The following PARD3 variants were observed in gnomAD, a reference collection of about 807,000 sequenced individuals.
PARD3 encodes partitioning defective 3 homolog.
Under a neutral mutation model 155.4 loss-of-function variants are expected in PARD3, and 75 were observed. The observed-to-expected ratio is 0.48, with a 90% confidence interval of 0.40 to 0.58. The LOEUF is 0.58. Ranked by LOEUF, PARD3 falls within the 20% of genes least tolerant of loss-of-function variation. The probability of loss-of-function intolerance (pLI) is 0.00; values close to 1 mark genes in which losing one functional copy is unlikely to be tolerated. For missense variants in PARD3, 1,642 were observed against 1,721.7 expected (o/e 0.95, Z 0.82); for synonymous variants, 576 against 610.5 (o/e 0.94, Z 0.83).
At chr10:34,754,496 C>T (rs551541312) in intron 1 of PARD3, among the ~76,000 whole-genome samples, 54 of 152,310 alleles carry the variant, frequency 3.5e-4, no homozygotes, top group African/African-American at 1.1e-3. Context: ...TTACATTTAC[C>T]TATCGTGTAC....
At chr10:34,358,045 A>C (rs1839074023) in intron 14 of PARD3, among the ~76,000 whole-genome samples, 1 of 152,184 alleles carries the variant, frequency 6.6e-6, no homozygotes, top group African/African-American at 2.4e-5. Flanking sequence ...ATTATTTGCT[A>C]ATCATTTTAT....
intron 23 of PARD3, among the ~76,000 whole-genome samples, chr10:34,130,111 A>G (rs1212628516): frequency 6.6e-6 from 1 of 152,118 alleles, no homozygotes. Flanking sequence ...TCACGTGCAA[A>G]GATGGCAGGC....
At chr10:34,424,707 G>A (rs2075503631) in intron 5 of PARD3, among the ~76,000 whole-genome samples, 1 of 151,968 alleles carries the variant, frequency 6.6e-6, no homozygotes, top group South Asian at 2.1e-4. Flanking sequence ...TAGAGACGGG[G>A]TTTCGTCATG....
At chr10:34,409,264 T>A (rs1277784137) in intron 5 of PARD3, among the ~76,000 whole-genome samples, 1 of 152,084 alleles carries the variant, frequency 6.6e-6, no homozygotes, top group African/African-American at 2.4e-5. Flanking sequence ...ACAAAAAGTA[T>A]GTATCTCTGC....
chr10:34,148,844 C>A (rs527909070), intron 22 of PARD3, among the ~76,000 whole-genome samples: 84 of 150,236 alleles, frequency 5.6e-4, no homozygotes, highest in Non-Finnish European at 9.9e-4. Context: ...AATCCTCTAT[C>A]CCTCTATTGC....
intron 2 of PARD3, chr10:34,675,683 T>C: frequency 5.1e-6 from 1 of 197,432 alleles, no homozygotes; most frequent in Non-Finnish European, 1.1e-5. Context: ...TGGCCTGAGA[T>C]TCCTTATAAC....
chr10:34,674,478 A>ATTTTTTTTTTTTTTT (rs11402018), intron 2 of PARD3, among the ~76,000 whole-genome samples: 1 of 79,528 alleles, frequency 1.3e-5, no homozygotes, highest in African/African-American at 5.1e-5. Context: ...CACGCTCTTG[A>ATTTTTTTTTTTTTTT]TTTTTTTTTT....
intron 22 of PARD3, among the ~76,000 whole-genome samples, chr10:34,187,247 A>G (rs945407739): frequency 1.3e-5 from 2 of 152,228 alleles, no homozygotes; most frequent in Non-Finnish European, 2.9e-5. Context: ...GAGACAGAGT[A>G]CTGGGCAAGA....
intron 19 of PARD3, among the ~76,000 whole-genome samples, chr10:34,327,513 C>T (rs899495494): frequency 7.9e-5 from 12 of 152,110 alleles, no homozygotes; most frequent in African/African-American, 2.9e-4. Context: ...GGGAGGGGCT[C>T]GACCCAACTG....
At chr10:34,735,641 C>T (rs1387255906) in intron 1 of PARD3, among the ~76,000 whole-genome samples, 2 of 151,986 alleles carry the variant, frequency 1.3e-5, no homozygotes, top group African/African-American at 4.8e-5. Context: ...CAAACTTTCC[C>T]GTAAGAAAAT....
intron 18 of PARD3, 110 bp from the exon 19 acceptor site, chr10:34,331,454 A>C (rs1835606613): frequency 3.2e-6 from 2 of 619,990 alleles, no homozygotes; most frequent in Non-Finnish European, 5.7e-6. Flanking sequence ...CTCAATGATG[A>C]GTTCTGGAAT....
chr10:34,372,285 A>C lies in PARD3; in HGVS notation c.1707+213T>G, dbSNP rs568917285. On this transcript the variant is annotated intron_variant, in intron 12 of 24. Coordinates refer to ENST00000374788, the MANE Select transcript of PARD3 (RefSeq NM_001184785.2). The stretch of plus-strand genomic sequence containing the variant: ...GGAAGTCTCTCTCTTTTTTGCGTCT[A>C]TCTGACCAAAATTAATCACAAAATA... Among the ~76,000 whole-genome samples the C allele has an allele frequency of 3.9e-5, 6 of 152,232 alleles. No homozygotes were observed. In the East Asian group the frequency reaches 5.8e-4, roughly 15 times the overall value.
chr10:34,280,192 T>C (rs1375663533), intron 21 of PARD3, among the ~76,000 whole-genome samples: 1 of 152,208 alleles, frequency 6.6e-6, no homozygotes, highest in Non-Finnish European at 1.5e-5. Context: ...CTCTTTCCCA[T>C]TTGTCTGTTC....
At chr10:34,415,536 C>G (rs144719780) in intron 5 of PARD3, among the ~76,000 whole-genome samples, 121 of 152,272 alleles carry the variant, frequency 7.9e-4, no homozygotes, top group African/African-American at 2.6e-3. Flanking sequence ...CTTGAACCAA[C>G]AAATGAAATG....
At chr10:34,684,846 CATATATAT>C in intron 2 of PARD3, among the ~76,000 whole-genome samples, 1 of 132,712 alleles carries the variant, frequency 7.5e-6, no homozygotes, top group Non-Finnish European at 1.6e-5. Context: ...TACACACACA[CATATATAT>C]ACATGTATAT....
chr10:34,373,290 T>C (rs1712963966), intron 11 of PARD3, among the ~76,000 whole-genome samples: 2 of 150,088 alleles, frequency 1.3e-5, no homozygotes, highest in Admixed American at 6.6e-5. Flanking sequence ...AGCAATAAAT[T>C]ACATAACCAA....
chr10:34,671,299 A>G (rs867576073), intron 2 of PARD3, among the ~76,000 whole-genome samples: 2 of 152,190 alleles, frequency 1.3e-5, no homozygotes, highest in Non-Finnish European at 2.9e-5. Context: ...ACCCAAATAT[A>G]TCGATAGATA....
intron 14 of PARD3, among the ~76,000 whole-genome samples, chr10:34,352,663 C>A (rs957830385): frequency 1.3e-5 from 2 of 152,230 alleles, no homozygotes; most frequent in African/African-American, 2.4e-5. Flanking sequence ...CTTGCCCAGG[C>A]TGGAGTGCAG....
At chr10:34,569,802 C>T (rs2086243424) in intron 2 of PARD3, among the ~76,000 whole-genome samples, 1 of 151,090 alleles carries the variant, frequency 6.6e-6, no homozygotes, top group African/African-American at 2.4e-5. Context: ...AAAATCTAAC[C>T]TCAGGAAAAA....
Sources: allele counts gnomAD v4.1 joint callset (sites outside exome capture counted in the v4.1 genomes callset), GRCh38; gene constraint gnomAD v4.1.1; transcripts MANE v1.5; gene names NCBI Gene and HGNC (gene_info 2026-07-23, HGNC 2026-07-21).